SEMA3D: variants seen among roughly 807,000 people sequenced by gnomAD.
SEMA3D encodes semaphorin 3D.
In SEMA3D, 84 loss-of-function variants were observed where a neutral mutation model predicts 100.1. The ratio of observed to expected loss-of-function variants is 0.84; its 90% CI spans 0.70 to 1.01. The LOEUF (loss-of-function observed/expected upper bound fraction) is 1.01, where lower values mean the gene tolerates loss of function less well. Ranked by LOEUF, SEMA3D falls within the 50% of genes least tolerant of loss-of-function variation. The probability of loss-of-function intolerance (pLI) is 0.00; values close to 1 mark genes in which losing one functional copy is unlikely to be tolerated. For missense variants in SEMA3D, 875 were observed against 934.1 expected (o/e 0.94, Z 0.82); for synonymous variants, 312 against 320.7 (o/e 0.97, Z 0.29).
the SEMA3D span, among the ~76,000 whole-genome samples, chr7:85,231,666 G>A: frequency 3.3e-5 from 5 of 151,936 alleles, no homozygotes; most frequent in Non-Finnish European, 7.4e-5. Flanking sequence ...TAGCCAGGAT[G>A]GTCTCGATCT....
At chr7:85,013,013 C>T (rs1339275622) in intron 16 of SEMA3D, among the ~76,000 whole-genome samples, 167 bp from the exon 17 acceptor site, 3 of 151,770 alleles carry the variant, frequency 2.0e-5, no homozygotes, top group Admixed American at 1.3e-4. Flanking sequence ...ATTTAAAAAA[C>T]TACTGGTAAT....
chr7:85,018,206 G>T lies in SEMA3D; in HGVS notation c.1545+46C>A, dbSNP rs554162635. 16 of 1,129,900 alleles carry T rather than the reference G, an allele frequency of 1.4e-5. 1 individual carries two copies. The South Asian group carries it at 1.6e-4, about 11-fold the overall frequency. The allele number at this position is 1,129,900 out of a possible 1,614,324, so 70.0% of individuals were successfully genotyped here. Reference sequence around the variant, plus strand: ...TTTCAAATAAAGTTTGATTCAAGCAGCCCATTGCTTTTGTGATTAACTTTC... The same window carrying T: ...TTTCAAATAAAGTTTGATTCAAGCATCCCATTGCTTTTGTGATTAACTTTC... On this transcript the variant is annotated intron_variant, in intron 15 of 18. Transcript: ENST00000284136.
At chr7:85,155,986 T>C (rs993847125) in intron 1 of SEMA3D, among the ~76,000 whole-genome samples, 1 of 152,220 alleles carries the variant, frequency 6.6e-6, no homozygotes, top group Non-Finnish European at 1.5e-5. Flanking sequence ...TATTTTCATT[T>C]TTCTTCTGAT....
intron 1 of SEMA3D, among the ~76,000 whole-genome samples, chr7:85,154,586 G>T (rs1245092042): frequency 1.3e-5 from 2 of 152,126 alleles, no homozygotes; most frequent in African/African-American, 4.8e-5. Flanking sequence ...TGCACAGTTT[G>T]TGACTTTTAT....
chr7:85,192,976 A>C, the SEMA3D span, among the ~76,000 whole-genome samples: 6 of 152,180 alleles, frequency 3.9e-5, no homozygotes, highest in Non-Finnish European at 8.8e-5. Flanking sequence ...CTAAGAAAAG[A>C]AGATAATTAC....
chr7:85,031,574 G>C (rs1397978854), intron 12 of SEMA3D, among the ~76,000 whole-genome samples: 1 of 151,974 alleles, frequency 6.6e-6, no homozygotes, highest in Non-Finnish European at 1.5e-5. Flanking sequence ...TAGAACAAAA[G>C]GTAGGTTAAT....
At chr7:85,127,870 A>G (rs1249470012) in intron 2 of SEMA3D, among the ~76,000 whole-genome samples, 1 of 152,138 alleles carries the variant, frequency 6.6e-6, no homozygotes, top group Non-Finnish European at 1.5e-5. Flanking sequence ...TTTAACTCAT[A>G]CAACTTTTCA....
At chr7:85,043,041 C>A (rs1790906363) in intron 9 of SEMA3D, among the ~76,000 whole-genome samples, 1 of 152,110 alleles carries the variant, frequency 6.6e-6, no homozygotes, top group Non-Finnish European at 1.5e-5. Flanking sequence ...ACTAATTAAA[C>A]ATCCATGCAA....
chr7:85,054,816 AG>A (rs1214714213), intron 9 of SEMA3D, among the ~76,000 whole-genome samples: 1 of 152,108 alleles, frequency 6.6e-6, no homozygotes, highest in Non-Finnish European at 1.5e-5. Flanking sequence ...TTGATGCTAA[AG>A]GTGTCTTTTT....
chr7:85,037,686 C>T (rs539123029), intron 11 of SEMA3D, among the ~76,000 whole-genome samples: 3 of 152,068 alleles, frequency 2.0e-5, no homozygotes, highest in Admixed American at 1.3e-4. Flanking sequence ...TACAGTAGCT[C>T]ATCTGATACT....
chr7:85,142,792 T>C, intron 2 of SEMA3D: 2 of 984,590 alleles, frequency 2.0e-6, no homozygotes, highest in Non-Finnish European at 2.4e-6. Flanking sequence ...GTGAATGGAA[T>C]AACCTTTTCT....
Position 85,172,042 on chromosome 7 carries a change from A to G in SEMA3D, c.-173+14636T>C, listed in dbSNP as rs1583988126. Among the ~76,000 whole-genome samples the G allele has an allele frequency of 2.0e-5, 3 of 151,984 alleles. No individual in the cohort carries two copies. The Middle Eastern group carries it at 0.01, about 517-fold the overall frequency. On this transcript the variant is annotated intron_variant, in intron 1 of 18. Coordinates refer to ENST00000284136, the MANE Select transcript of SEMA3D (RefSeq NM_001384900.1). The stretch of plus-strand genomic sequence containing the variant: ...CATACATATATAGACACACATATGT[A>G]TGAGTAAAGGCTTCTTTTCCCTCTG...
chr7:85,192,838 A>G, the SEMA3D span, among the ~76,000 whole-genome samples: 2 of 152,128 alleles, frequency 1.3e-5, no homozygotes, highest in African/African-American at 2.4e-5. Flanking sequence ...TTTTCCTTAT[A>G]TCAAGCAAAG....
At chr7:85,106,991 C>T (rs1788945686) in intron 3 of SEMA3D, among the ~76,000 whole-genome samples, 1 of 152,080 alleles carries the variant, frequency 6.6e-6, no homozygotes, top group Admixed American at 6.6e-5. Flanking sequence ...GCAACACAGT[C>T]ACACCATATC....
chr7:85,072,451 T>C (rs977388284), intron 6 of SEMA3D, among the ~76,000 whole-genome samples: 9 of 152,188 alleles, frequency 5.9e-5, no homozygotes, highest in African/African-American at 1.7e-4. Context: ...CAAGATCTTA[T>C]GGAAAATGAA....
rs191515681 is a variant in SEMA3D at position 85,148,788 on chromosome 7, G to A, written c.-41+4820C>T. On this transcript the variant is annotated intron_variant, in intron 2 of 18. Coordinates refer to ENST00000284136, the MANE Select transcript of SEMA3D (RefSeq NM_001384900.1). ...ATAATGTCTCTAATTATATATGTGC[G>A]GTGTGTACATGTGTGTGTGCATGTA... Among the ~76,000 whole-genome samples the A allele has an allele frequency of 1.2e-4, 18 of 151,922 alleles. No individual in the cohort carries two copies. The East Asian group carries it at 2.3e-3, about 20-fold the overall frequency.
At chr7:85,032,849 AAG>A (rs1421283644) in intron 12 of SEMA3D, among the ~76,000 whole-genome samples, 1 of 152,054 alleles carries the variant, frequency 6.6e-6, no homozygotes, top group African/African-American at 2.4e-5. Flanking sequence ...TATTTGATGA[AAG>A]AGAGTTTTCT....
the SEMA3D span, among the ~76,000 whole-genome samples, chr7:85,246,973 A>G: frequency 6.6e-6 from 1 of 152,090 alleles, no homozygotes; most frequent in Admixed American, 6.5e-5. Context: ...TGCTGAAAGT[A>G]TACGTAAGTC....
intron 11 of SEMA3D, among the ~76,000 whole-genome samples, chr7:85,039,926 C>G (rs893196450): frequency 1.3e-5 from 2 of 149,468 alleles, no homozygotes; most frequent in African/African-American, 2.5e-5. Context: ...TATGACAACA[C>G]ATATCATGTA....
Sources: allele counts gnomAD v4.1 joint callset (sites outside exome capture counted in the v4.1 genomes callset), GRCh38; gene constraint gnomAD v4.1.1; transcripts MANE v1.5; gene names NCBI Gene and HGNC (gene_info 2026-07-23, HGNC 2026-07-21).